DAB1: variants seen among roughly 807,000 people sequenced by gnomAD.
DAB1 encodes the protein disabled homolog 1.
In DAB1, 15 loss-of-function variants were observed where a neutral mutation model predicts 64.6. The ratio of observed to expected loss-of-function variants is 0.23; its 90% CI spans 0.16 to 0.36. The LOEUF is 0.36. Ranked by LOEUF, DAB1 falls within the 10% of genes least tolerant of loss-of-function variation. The probability of loss-of-function intolerance (pLI) is 1.00; values close to 1 mark genes in which losing one functional copy is unlikely to be tolerated. For missense variants in DAB1, 596 were observed against 706.7 expected, an observed-to-expected ratio of 0.84 and a Z score of 1.78; for synonymous variants, 235 against 251.9, an observed-to-expected ratio of 0.93 and a Z score of 0.64.
Position 57,999,539 on chromosome 1 carries a change from C to A in DAB1, n.388-115377G>T, listed in dbSNP as rs181521322. 9.1e-4 allele frequency among the ~76,000 whole-genome samples: 139 copies of A among 152,258 alleles called. 1 individual carries two copies. The highest frequency in any genetic ancestry group is 1.0e-3 in the Non-Finnish European group (71 of 68,014). The stretch of plus-strand genomic sequence containing the variant: ...GCTTGGGTCTGAGGACAGACTAGAG[C>A]CTCTCTCAACCAAGAGCAATTCTGC... On this transcript the variant is annotated intron_variant and non_coding_transcript_variant, in intron 5 of 20. Coordinates refer to the DAB1 transcript ENST00000485760.
intron 2 of DAB1, among the ~76,000 whole-genome samples, chr1:58,509,835 A>T (rs1384101670): frequency 6.6e-6 from 1 of 152,070 alleles, no homozygotes; most frequent in Non-Finnish European, 1.5e-5. Flanking sequence ...CTGATACCAT[A>T]CAAAGGATCA....
intron 2 of DAB1, among the ~76,000 whole-genome samples, chr1:58,521,369 C>A (rs1410345071): frequency 2.0e-5 from 3 of 150,966 alleles, no homozygotes; most frequent in African/African-American, 7.3e-5. Flanking sequence ...TAGTATTCAT[C>A]TTAAGTTAGG....
chr1:58,209,128 A>C (rs1412069918), intron 4 of DAB1, among the ~76,000 whole-genome samples: 2 of 152,192 alleles, frequency 1.3e-5, no homozygotes, highest in African/African-American at 4.8e-5. Flanking sequence ...AACATTAAAT[A>C]ATGTGGGGAT....
intron 7 of DAB1, among the ~76,000 whole-genome samples, chr1:57,441,442 A>G (rs929876704): frequency 6.6e-6 from 1 of 150,754 alleles, no homozygotes; most frequent in African/African-American, 2.4e-5. Flanking sequence ...TGCACTCTCA[A>G]CCTCCCAGGC....
intron 3 of DAB1, among the ~76,000 whole-genome samples, chr1:58,455,607 C>A (rs754757880): frequency 6.6e-6 from 1 of 152,242 alleles, no homozygotes; most frequent in African/African-American, 2.4e-5. Flanking sequence ...TTTTCTATCA[C>A]TACAAAGGGA....
In DAB1 at chr1:57,291,186, A is replaced by G; in HGVS notation, c.-136-20T>C. 2 of 468,618 alleles carry G rather than the reference A, an allele frequency of 4.3e-6. No individual in the cohort carries two copies. Among genetic ancestry groups the G allele is most frequent in the African/African-American group, 2.0e-5 (1 of 49,928 alleles). 29.0% of individuals were successfully genotyped at this position (468,618 alleles called of 1,614,324 possible). A position where few individuals can be genotyped will look rare whatever the true frequency, so the allele number is the denominator to read the frequency against. ...TGAGTGCTGCAAATCAAGGCAAGAGAACATTCAGAATCATCACTGTTATGA... is the reference window on the plus strand; with the variant it reads ...TGAGTGCTGCAAATCAAGGCAAGAGGACATTCAGAATCATCACTGTTATGA... On this transcript the variant is annotated intron_variant, in intron 1 of 14. Transcript: ENST00000371236.
chr1:58,169,892 C>T (rs1427336660), intron 4 of DAB1, among the ~76,000 whole-genome samples: 1 of 152,092 alleles, frequency 6.6e-6, no homozygotes, highest in Non-Finnish European at 1.5e-5. Flanking sequence ...GTCCCCTTCT[C>T]CCTCTCTGAT....
intron 7 of DAB1, among the ~76,000 whole-genome samples, chr1:57,532,629 A>G (rs776089351): frequency 6.6e-6 from 1 of 152,158 alleles, no homozygotes; most frequent in African/African-American, 2.4e-5. Flanking sequence ...GAGATTTTCT[A>G]TTTACTCCAT....
chr1:58,433,649 G>C (rs1644909455), intron 3 of DAB1, among the ~76,000 whole-genome samples: 1 of 149,698 alleles, frequency 6.7e-6, no homozygotes, highest in South Asian at 2.1e-4. Flanking sequence ...GTCTGTGTCT[G>C]TGTGGAGGGG....
At chr1:57,706,846 G>A (rs894597151) in intron 6 of DAB1, among the ~76,000 whole-genome samples, 1 of 152,036 alleles carries the variant, frequency 6.6e-6, no homozygotes, top group African/African-American at 2.4e-5. Context: ...GCTGAGGTGG[G>A]CGCATCACCT....
intron 5 of DAB1, among the ~76,000 whole-genome samples, chr1:57,993,966 A>G (rs1469981970): frequency 6.6e-6 from 1 of 152,206 alleles, no homozygotes; most frequent in Non-Finnish European, 1.5e-5. Context: ...AAATAATACA[A>G]ATACAATATA....
chr1:57,482,502 A>C (rs925293763), intron 7 of DAB1, among the ~76,000 whole-genome samples: 12 of 150,682 alleles, frequency 8.0e-5, no homozygotes, highest in African/African-American at 2.9e-4. Flanking sequence ...AAAAAAAAAA[A>C]AACAAGAAAA....
intron 3 of DAB1, among the ~76,000 whole-genome samples, chr1:57,142,864 C>T (rs916696088): frequency 1.1e-4 from 17 of 152,074 alleles, no homozygotes; most frequent in African/African-American, 4.1e-4. Flanking sequence ...AGATTTGTGG[C>T]TCTGGATGAG....
At chr1:57,488,447 C>T (rs1046014959) in intron 7 of DAB1, among the ~76,000 whole-genome samples, 8 of 146,500 alleles carry the variant, frequency 5.5e-5, no homozygotes, top group Non-Finnish European at 1.0e-4. Context: ...GAGGCCGAGG[C>T]GGGCAGATCA....
At chr1:57,312,072 T>C (rs1412259777) in intron 1 of DAB1, among the ~76,000 whole-genome samples, 1 of 152,226 alleles carries the variant, frequency 6.6e-6, no homozygotes, top group African/African-American at 2.4e-5. Context: ...TAACTGACTG[T>C]TGTTACTCTC....
At chr1:58,319,879 G>T (rs576111748) in intron 4 of DAB1, among the ~76,000 whole-genome samples, 1 of 152,142 alleles carries the variant, frequency 6.6e-6, no homozygotes. Flanking sequence ...TCCATCTGCT[G>T]CTCACTAGAT....
At chr1:58,539,383 A>C (rs1400587969) in intron 1 of DAB1, 5 of 678,136 alleles carry the variant, frequency 7.4e-6, no homozygotes, top group Non-Finnish European at 1.2e-5. Context: ...AACACTTATT[A>C]AATAGGCGTG....
At chr1:57,188,076 T>G (rs1663766510) in intron 2 of DAB1, among the ~76,000 whole-genome samples, 1 of 152,158 alleles carries the variant, frequency 6.6e-6, no homozygotes, top group South Asian at 2.1e-4. Context: ...ACTGAAGTAG[T>G]GTAGTGAGTT....
intron 3 of DAB1, among the ~76,000 whole-genome samples, chr1:58,362,240 C>G (rs1644174301): frequency 6.6e-6 from 1 of 152,122 alleles, no homozygotes; most frequent in South Asian, 2.1e-4. Context: ...CTGATTGATC[C>G]AGATGTGGCA....
Sources: allele counts gnomAD v4.1 joint callset (sites outside exome capture counted in the v4.1 genomes callset), GRCh38; gene constraint gnomAD v4.1.1; transcripts MANE v1.5; gene names NCBI Gene and HGNC (gene_info 2026-07-23, HGNC 2026-07-21).